The following ANKRD44 variants were observed in gnomAD, a reference collection of about 807,000 sequenced individuals.
The protein encoded by ANKRD44 is serine/threonine-protein phosphatase 6 regulatory ankyrin repeat subunit B.
ANKRD44 carries 35 observed loss-of-function variants against 116.0 expected under a neutral mutation model. The ratio of observed to expected loss-of-function variants is 0.30; its 90% CI spans 0.23 to 0.40. ANKRD44 has a LOEUF of 0.40. ANKRD44 is among the 10% of genes least tolerant of loss of function. The probability of loss-of-function intolerance (pLI) is 1.00; values close to 1 mark genes in which losing one functional copy is unlikely to be tolerated. For synonymous variants in ANKRD44, 435 were observed against 461.8 expected (o/e 0.94, Z 0.74); for missense variants, 1,014 against 1,242.6 (o/e 0.82, Z 2.77).
chr2:197,059,945 A>G (rs1452825914), intron 16 of ANKRD44, among the ~76,000 whole-genome samples: 1 of 152,212 alleles, frequency 6.6e-6, no homozygotes, highest in African/African-American at 2.4e-5. Flanking sequence ...CTTCTATTCC[A>G]CATTCACACA....
At position 197,136,524 on chromosome 2, in the gene ANKRD44, A is replaced by G. The variant is rs1400232122; in HGVS notation, c.261+68T>C. 4 of 1,460,080 alleles carry G rather than the reference A, an allele frequency of 2.7e-6. No individual in the cohort carries two copies. The East Asian group carries it at 9.1e-5, about 33-fold the overall frequency. 90.4% of individuals were successfully genotyped at this position (1,460,080 alleles called of 1,614,324 possible). The stretch of plus-strand genomic sequence containing the variant: ...TTCTGCTTACCAGTAAGGATTCTTA[A>G]TTCGCTAGCAAGACTTTTTCTTTTT... On this transcript the variant is annotated intron_variant, in intron 4 of 27. Coordinates refer to ENST00000282272, the MANE Select transcript of ANKRD44 (RefSeq NM_001195144.2).
chr2:197,014,811 C>A (rs984701668), intron 17 of ANKRD44, among the ~76,000 whole-genome samples: 1 of 151,600 alleles, frequency 6.6e-6, no homozygotes, highest in East Asian at 1.9e-4. Context: ...AAAAATGATG[C>A]TTTGTACCAT....
intron 14 of ANKRD44, 93 bp from the exon 15 acceptor site, chr2:197,081,818 T>C (rs949558559): frequency 8.0e-6 from 8 of 997,200 alleles, no homozygotes; most frequent in Non-Finnish European, 1.2e-5. Flanking sequence ...ATCTCAATGA[T>C]TTTTACCCCA....
intron 1 of ANKRD44, among the ~76,000 whole-genome samples, chr2:197,208,779 G>A (rs1163478502): frequency 3.3e-5 from 5 of 151,986 alleles, no homozygotes; most frequent in South Asian, 4.1e-4. Flanking sequence ...CAGGCTGGGC[G>A]ACAGAGCGAG....
chr2:197,056,291 A>G (rs1023227248), intron 16 of ANKRD44, among the ~76,000 whole-genome samples: 3 of 152,208 alleles, frequency 2.0e-5, no homozygotes, highest in Non-Finnish European at 4.4e-5. Flanking sequence ...CACAAAAAAA[A>G]AACCCTGCTG....
intron 3 of ANKRD44, among the ~76,000 whole-genome samples, chr2:197,140,595 A>G (rs2079338038): frequency 6.6e-6 from 1 of 152,030 alleles, no homozygotes; most frequent in Non-Finnish European, 1.5e-5. Flanking sequence ...TTCTGGGATT[A>G]CAGATGTGAG....
rs554642931 is a variant in ANKRD44, at chr2:197,081,735, A to G, written c.1458-10T>C. On this transcript the variant is annotated splice_polypyrimidine_tract_variant and intron_variant, in intron 14 of 27. Transcript: ENST00000282272. Reference sequence around the variant, plus strand: ...TCCTAAGATAGTCTTACTTCTCAGCATAAAGGATAGAAAAAAAAATTGCAA... The same window carrying G: ...TCCTAAGATAGTCTTACTTCTCAGCGTAAAGGATAGAAAAAAAAATTGCAA... 3.0e-5 allele frequency: 48 copies of G among 1,605,940 alleles called. No homozygotes were observed. In the East Asian group the frequency reaches 1.0e-3, roughly 34 times the overall value.
At chr2:197,169,433 AG>A (rs1451264946) in intron 2 of ANKRD44, among the ~76,000 whole-genome samples, 1 of 152,202 alleles carries the variant, frequency 6.6e-6, no homozygotes, top group Non-Finnish European at 1.5e-5. Flanking sequence ...TGCAAGGACC[AG>A]GCCTGTGTCC....
At chr2:197,126,613 T>G (rs940084425) in intron 4 of ANKRD44, among the ~76,000 whole-genome samples, 1 of 152,154 alleles carries the variant, frequency 6.6e-6, no homozygotes, top group Non-Finnish European at 1.5e-5. Flanking sequence ...ACATTTTTTC[T>G]TCTATTGGCC....
At chr2:197,180,644 G>A (rs144052417) in intron 2 of ANKRD44, among the ~76,000 whole-genome samples, 153 of 152,194 alleles carry the variant, frequency 1.0e-3, no homozygotes, top group African/African-American at 3.4e-3. Flanking sequence ...ATGTAGGTGA[G>A]AAAAATACAT....
At chr2:197,041,031 A>G (rs2076900999) in intron 16 of ANKRD44, among the ~76,000 whole-genome samples, 1 of 152,232 alleles carries the variant, frequency 6.6e-6, no homozygotes, top group Non-Finnish European at 1.5e-5. Flanking sequence ...AGCCTTCAAA[A>G]GTCTTACTAT....
At chr2:197,033,987 A>G (rs1452271596) in intron 16 of ANKRD44, among the ~76,000 whole-genome samples, 1 of 150,940 alleles carries the variant, frequency 6.6e-6, no homozygotes, top group East Asian at 2.0e-4. Flanking sequence ...GGGATGATGC[A>G]GATATTCAGC....
At chr2:197,000,647 G>A in intron 22 of ANKRD44, 145 bp from the exon 23 acceptor site, 1 of 673,194 alleles carries the variant, frequency 1.5e-6, no homozygotes, top group Non-Finnish European at 2.6e-6. Flanking sequence ...TGTTTCAATG[G>A]CATACATTTT....
intron 23 of ANKRD44, 73 bp from the exon 24 acceptor site, chr2:196,999,125 T>C: frequency 6.4e-7 from 1 of 1,558,118 alleles, no homozygotes. Context: ...CCAAGAAACA[T>C]GCACAAGGTG....
In ANKRD44 at chr2:197,201,526, C is replaced by T. The variant is rs1358509; in HGVS notation, c.28-14420G>A. On this transcript the variant is annotated intron_variant, in intron 1 of 27. Coordinates refer to ENST00000282272, the MANE Select transcript of ANKRD44 (RefSeq NM_001195144.2). This position sits in a 1 kb window ranked among gnomAD's most constrained non-coding sequence, Gnocchi z 4.0. ...GTTCCTTTCCTGGTATCCACACTCC[C>T]CTCTCCTCACCAACAATCCCCCTGA... is the stretch of plus-strand genomic sequence containing the variant. Among the ~76,000 whole-genome samples, 84,675 of 151,850 alleles carry T rather than the reference C, an allele frequency of 0.56. 27,882 individuals carry two copies. The highest frequency in any genetic ancestry group is 0.88 in the East Asian group (4,564 of 5,166).
chr2:197,118,447 G>A (rs1263352719), intron 8 of ANKRD44, among the ~76,000 whole-genome samples: 4 of 151,598 alleles, frequency 2.6e-5, no homozygotes, highest in Non-Finnish European at 2.9e-5. Context: ...AAAATTAGCT[G>A]GGCATGGTGG....
Position 196,988,062 on chromosome 2 carries a change from T to C in ANKRD44, c.*1529A>G. On this transcript the variant is annotated 3_prime_UTR_variant, in exon 28 of 28. Transcript: ENST00000282272. ...ATTTCGTTCCTTTGTCCTCCTTCTA[T>C]GAGTAAGAGAGTGGGAAAAGTCAAA... 1 of 985,416 alleles carries C rather than the reference T, an allele frequency of 1.0e-6. No individual in the cohort carries two copies. Among genetic ancestry groups the C allele is most frequent in the Non-Finnish European group, 1.2e-6 (1 of 829,936 alleles). 61.0% of individuals were successfully genotyped at this position (985,416 alleles called of 1,614,324 possible).
chr2:197,034,744 T>C (rs907567679), intron 16 of ANKRD44, among the ~76,000 whole-genome samples: 1 of 151,874 alleles, frequency 6.6e-6, no homozygotes, highest in African/African-American at 2.4e-5. Flanking sequence ...AGGATTCTGT[T>C]TGGGTGAAAA....
intron 1 of ANKRD44, chr2:197,296,650 C>G (rs373470340): frequency 6.6e-6 from 1 of 152,192 alleles, no homozygotes; most frequent in Non-Finnish European, 1.5e-5. Context: ...TACCAATTCT[C>G]ATTTTCATTT....
Sources: gnomAD v4.1 joint callset for allele counts (sites outside exome capture counted in the v4.1 genomes callset) on GRCh38, gnomAD v4.1.1 for gene constraint, Gnocchi (gnomAD v3.1) non-coding constraint, MANE v1.5 for transcripts, NCBI Gene and HGNC (gene_info 2026-07-23, HGNC 2026-07-21) for gene names.